The following PCDHGA6 variants were observed in gnomAD, a reference collection of about 807,000 sequenced individuals.
PCDHGA6 encodes the protein protocadherin gamma subfamily A, 6, also known as protocadherin gamma-A6.
Under a neutral mutation model 60.6 loss-of-function variants are expected in PCDHGA6, and 41 were observed. That is an observed-to-expected ratio of 0.68 (90% confidence interval 0.53 to 0.88). The LOEUF is 0.88. PCDHGA6 is among the 40% of genes least tolerant of loss of function. The pLI is 0.00. For synonymous variants in PCDHGA6, 594 were observed against 524.4 expected, an observed-to-expected ratio of 1.13 and a Z score of -1.81; for missense variants, 1,312 against 1,203.0, an observed-to-expected ratio of 1.09 and a Z score of -1.34.
In PCDHGA6 at chr5:141,487,365, G is replaced by A. The variant is rs1466536791; in HGVS notation, c.2425-7442G>A. On this transcript the variant is annotated intron_variant, in intron 1 of 3. Coordinates refer to ENST00000517434, the MANE Select transcript of PCDHGA6 (RefSeq NM_018919.3). This position sits in a 1 kb window ranked among gnomAD's most constrained non-coding sequence, Gnocchi z 5.0. ...GTCACATGCTTTCCTGCTGGCACCT[G>A]TGCCTGTCTCACCAGATCTCGAAGG... The A allele has an allele frequency of 1.2e-6, 2 of 1,614,068 alleles. No homozygotes were observed. Among genetic ancestry groups the A allele is most frequent in the South Asian group, 1.1e-5 (1 of 91,088 alleles).
chr5:141,421,388 G>A (rs369403750), intron 1 of PCDHGA6: 1 of 1,613,934 alleles, frequency 6.2e-7, no homozygotes, highest in Non-Finnish European at 8.5e-7. Context: ...AAGGACCTGG[G>A]GCTGGAGCCC....
In PCDHGA6 at chr5:141,415,739, GGTTTTT is replaced by G; in HGVS notation, c.2424+39233_2424+39238del. On this transcript the variant is annotated intron_variant, in intron 1 of 3. Coordinates refer to ENST00000517434, the MANE Select transcript of PCDHGA6 (RefSeq NM_018919.3). ...ATGAGTAGAATTTGATGTTTATTAA[GGTTTTT>G]TTTTTTTTTTTTTTTTTTTTTTTTT... is the stretch of plus-strand genomic sequence containing the variant. 1.4e-4 allele frequency: 59 copies of G among 434,890 alleles called. 1 individual carries two copies. The African/African-American group carries it at 1.6e-3, about 12-fold the overall frequency. The allele number at this position is 434,890 out of a possible 1,614,324, so 26.9% of individuals were successfully genotyped here.
At chr5:141,445,178 A>G (rs768321514) in intron 1 of PCDHGA6, among the ~76,000 whole-genome samples, 2 of 152,218 alleles carry the variant, frequency 1.3e-5, no homozygotes, top group Admixed American at 1.3e-4. Context: ...ATGAAAAACT[A>G]TGTTTTTATG....
At chr5:141,506,962 G>A (rs2099857578) in intron 3 of PCDHGA6, 1 of 152,196 alleles carries the variant, frequency 6.6e-6, no homozygotes, top group Non-Finnish European at 1.5e-5. Context: ...CCTCTCAATA[G>A]CTCTGCAAGG....
intron 1 of PCDHGA6, chr5:141,415,759 T>TTTG: frequency 3.7e-6 from 5 of 1,352,140 alleles, no homozygotes; most frequent in Non-Finnish European, 4.8e-6. Flanking sequence ...TTTTTTTTTT[T>TTTG]TTTTTTTTTT....
chr5:141,422,656 G>A (rs759548203), intron 1 of PCDHGA6: 3 of 1,609,780 alleles, frequency 1.9e-6, no homozygotes, highest in Non-Finnish European at 1.7e-6. Context: ...CTCAGTGACC[G>A]CCCTCGACCC....
chr5:141,433,837 C>CAA (rs56191208), intron 1 of PCDHGA6, among the ~76,000 whole-genome samples: 9,379 of 111,452 alleles, frequency 0.084, 424 homozygotes, highest in African/African-American at 0.14. Flanking sequence ...AACTCTATCT[C>CAA]AAAAAAAAAA....
intron 1 of PCDHGA6, chr5:141,423,302 T>G (rs1221185261): frequency 6.2e-7 from 1 of 1,614,144 alleles, no homozygotes. Context: ...GACCTCTCGC[T>G]GTACTTGGTG....
chr5:141,467,057 T>TG, intron 1 of PCDHGA6, among the ~76,000 whole-genome samples: 1 of 144,752 alleles, frequency 6.9e-6, no homozygotes, highest in Non-Finnish European at 1.5e-5. Context: ...AATGTTTTCT[T>TG]TTTTTTTTTT....
chr5:141,440,931 C>G (rs2098213287), intron 1 of PCDHGA6: 1 of 152,186 alleles, frequency 6.6e-6, no homozygotes, highest in Non-Finnish European at 1.5e-5. Context: ...GTGAGGGCCA[C>G]CAACCAGGAC....
At chr5:141,399,663 G>T (rs766997364) in intron 1 of PCDHGA6, 4 of 1,613,506 alleles carry the variant, frequency 2.5e-6, no homozygotes, top group Admixed American at 3.3e-5. Context: ...TGGTGTTCGC[G>T]CAGCGCGCCT....
intron 1 of PCDHGA6, among the ~76,000 whole-genome samples, chr5:141,470,504 G>A (rs914828244): frequency 6.6e-6 from 1 of 152,114 alleles, no homozygotes; most frequent in Admixed American, 6.6e-5. Flanking sequence ...TAGGTAATTA[G>A]ACAGTTAGCT....
chr5:141,386,123 T>C (rs1477033454), intron 1 of PCDHGA6: 1 of 152,112 alleles, frequency 6.6e-6, no homozygotes, highest in African/African-American at 2.4e-5. Flanking sequence ...AAGTGGGAGA[T>C]TGGGGATACT....
chr5:141,434,981 T>C (rs2097734526), intron 1 of PCDHGA6, among the ~76,000 whole-genome samples: 1 of 152,054 alleles, frequency 6.6e-6, no homozygotes. Flanking sequence ...GTTAATACTC[T>C]ATATCATTTT....
rs200686404 is a variant in PCDHGA6 at position 141,477,185 on chromosome 5, G to A, written c.2425-17622G>A. On this transcript the variant is annotated intron_variant, in intron 1 of 3. Transcript: ENST00000517434. The surrounding 1 kb of genome is among the most constrained non-coding windows in gnomAD (Gnocchi z 4.9). ...CGCCCCGGAGATCACAGTCACCTCCGTGTACAGCCCAGTACCCGAGGATGC... is the reference window on the plus strand; with the variant it reads ...CGCCCCGGAGATCACAGTCACCTCCATGTACAGCCCAGTACCCGAGGATGC... 1.2e-6 allele frequency: 2 copies of A among 1,614,210 alleles called. No individual in the cohort carries two copies. Among genetic ancestry groups the A allele is most frequent in the South Asian group, 1.1e-5 (1 of 91,084 alleles).
chr5:141,415,657 G>A, intron 1 of PCDHGA6: 1 of 1,576,236 alleles, frequency 6.3e-7, no homozygotes, highest in Non-Finnish European at 8.6e-7. Flanking sequence ...AAAAAAGATT[G>A]GTTTTTACTT....
intron 1 of PCDHGA6, chr5:141,419,448 TC>T: frequency 6.2e-7 from 1 of 1,612,980 alleles, no homozygotes; most frequent in Non-Finnish European, 8.5e-7. Context: ...ACCTTCGAGC[TC>T]ACGCTGCAGG....
intron 1 of PCDHGA6, chr5:141,441,855 G>T (rs1210416963): frequency 2.8e-6 from 1 of 351,872 alleles, no homozygotes; most frequent in Admixed American, 4.0e-5. Context: ...ATATGGTGCT[G>T]CACGCCGCGG....
At chr5:141,505,563 T>C in intron 3 of PCDHGA6, 82 bp downstream of exon 3, 1 of 1,603,814 alleles carries the variant, frequency 6.2e-7, no homozygotes, top group Non-Finnish European at 8.5e-7. Flanking sequence ...GCCCACGGAC[T>C]GGATGTCAAA....
Sources: allele counts gnomAD v4.1 joint callset (sites outside exome capture counted in the v4.1 genomes callset), GRCh38; gene constraint gnomAD v4.1.1; non-coding constraint Gnocchi (gnomAD v3.1); transcripts MANE v1.5; gene names NCBI Gene and HGNC (gene_info 2026-07-23, HGNC 2026-07-21).